FKTN: variants seen among roughly 807,000 people sequenced by gnomAD.
FKTN encodes fukutin.
A neutral mutation model predicts 58.6 loss-of-function variants in FKTN; 47 were observed. The observed-to-expected ratio is 0.80, with a 90% CI of 0.63 to 1.02. The LOEUF (loss-of-function observed/expected upper bound fraction) is 1.02. Among genes scored for constraint, FKTN ranks in the 50% least tolerant of loss-of-function variants. The pLI is 0.00. For missense variants in FKTN, 516 were observed against 537.3 expected (o/e 0.96, Z 0.39); for synonymous variants, 178 against 191.9 (o/e 0.93, Z 0.60).
In FKTN at chr9:105,637,399, A is replaced by C. The variant is rs773595290; in HGVS notation, c.*2135A>C. The C allele has an allele frequency of 6.4e-5, 63 of 985,308 alleles. 1 individual carries two copies. The highest frequency in any genetic ancestry group is 7.6e-5 in the Non-Finnish European group (63 of 829,946). The allele number at this position is 985,308 out of a possible 1,614,324, so 61.0% of individuals were successfully genotyped here. ...CCTACATAGACCACTGGCTGCTGAAATACTTTTCTTGTCTTCTGGTTTCAC... is the reference window on the plus strand; with the variant it reads ...CCTACATAGACCACTGGCTGCTGAACTACTTTTCTTGTCTTCTGGTTTCAC... On this transcript the variant is annotated 3_prime_UTR_variant, in exon 11 of 11. Coordinates refer to ENST00000357998, the MANE Select transcript of FKTN (RefSeq NM_001079802.2).
chr9:105,574,859 AT>A (rs1841385049), intron 2 of FKTN, 85 bp from the exon 3 acceptor site: 1 of 597,220 alleles, frequency 1.7e-6, no homozygotes, highest in Non-Finnish European at 3.0e-6. Context: ...TGGAAATTTA[AT>A]TTTTTCTTTG....
At chr9:105,613,917 G>A (rs780741493) in intron 7 of FKTN, among the ~76,000 whole-genome samples, 4 of 152,208 alleles carry the variant, frequency 2.6e-5, no homozygotes, top group Non-Finnish European at 4.4e-5. Flanking sequence ...TTTTGCAGAG[G>A]TTGGAGCTGA....
intron 1 of FKTN, among the ~76,000 whole-genome samples, chr9:105,564,611 C>T (rs1023899404): frequency 4.6e-5 from 7 of 151,940 alleles, no homozygotes; most frequent in East Asian, 1.9e-4. Context: ...AAGAATAAAC[C>T]GAAATGAACA....
At chr9:105,588,267 A>G (rs1587986742) in intron 3 of FKTN, among the ~76,000 whole-genome samples, 1 of 152,288 alleles carries the variant, frequency 6.6e-6, no homozygotes, top group Admixed American at 6.5e-5. Context: ...TTTTCCTACC[A>G]GTTGTTGTTG....
At chr9:105,629,919 C>T (rs1833196947) in intron 10 of FKTN, among the ~76,000 whole-genome samples, 1 of 152,158 alleles carries the variant, frequency 6.6e-6, no homozygotes, top group African/African-American at 2.4e-5. Flanking sequence ...TGGAAACCAT[C>T]ATTCTCAGCA....
chr9:105,613,187 A>T (rs1830233113), intron 7 of FKTN, among the ~76,000 whole-genome samples: 1 of 152,228 alleles, frequency 6.6e-6, no homozygotes. Flanking sequence ...ATGTTTCAAG[A>T]TGTCAGTTAC....
At chr9:105,588,520 A>G (rs1844302997) in intron 3 of FKTN, among the ~76,000 whole-genome samples, 1 of 152,234 alleles carries the variant, frequency 6.6e-6, no homozygotes, top group Non-Finnish European at 1.5e-5. Flanking sequence ...GAACTCACAA[A>G]TTGGGAAATT....
At chr9:105,633,025 C>T (rs1833679728) in intron 10 of FKTN, among the ~76,000 whole-genome samples, 1 of 152,182 alleles carries the variant, frequency 6.6e-6, no homozygotes, top group Non-Finnish European at 1.5e-5. Flanking sequence ...CCTTCACTTC[C>T]TCCCTACAAT....
At chr9:105,579,780 A>G (rs944514343) in intron 3 of FKTN, among the ~76,000 whole-genome samples, 1 of 149,194 alleles carries the variant, frequency 6.7e-6, no homozygotes, top group Non-Finnish European at 1.5e-5. Context: ...AAAGTCTCCC[A>G]TTATTAATGT....
intron 2 of FKTN, 58 bp from the exon 3 acceptor site, chr9:105,574,887 T>C (rs570332610): frequency 1.3e-4 from 83 of 660,634 alleles, no homozygotes; most frequent in Non-Finnish European, 2.0e-4. Context: ...TGTTGGTTAT[T>C]ACAGGTACAA....
At chr9:105,559,395 T>C (rs1837834899) in intron 1 of FKTN, among the ~76,000 whole-genome samples, 1 of 152,138 alleles carries the variant, frequency 6.6e-6, no homozygotes, top group African/African-American at 2.4e-5. Flanking sequence ...AATTGTTAAT[T>C]TTGGGGCTGG....
chr9:105,569,062 T>C (rs991915254), intron 1 of FKTN, among the ~76,000 whole-genome samples: 1 of 152,158 alleles, frequency 6.6e-6, no homozygotes, highest in Non-Finnish European at 1.5e-5. Context: ...CATCGCATGT[T>C]CTCACTCATA....
rs185199074 is a variant in FKTN, at chr9:105,611,502, C to T, written c.780+3551C>T. Among the ~76,000 whole-genome samples, 172 of 152,192 alleles carry T rather than the reference C, an allele frequency of 1.1e-3. 1 individual carries two copies. In the South Asian group the frequency reaches 0.014, roughly 13 times the overall value. ...AGTTATTTTTCCTGGTCCTCTTTCT[C>T]CTCCCACCCTCCAAAAGAACCCATT... On this transcript the variant is annotated intron_variant, in intron 7 of 10. Coordinates refer to ENST00000357998, the MANE Select transcript of FKTN (RefSeq NM_001079802.2).
intron 7 of FKTN, among the ~76,000 whole-genome samples, chr9:105,612,745 G>A (rs1297180276): frequency 1.3e-5 from 2 of 152,130 alleles, no homozygotes; most frequent in African/African-American, 4.8e-5. Flanking sequence ...CGGGTGGATT[G>A]CCTGAGCTCA....
chr9:105,589,235 T>C (rs1251231498), intron 3 of FKTN, among the ~76,000 whole-genome samples: 1 of 152,198 alleles, frequency 6.6e-6, no homozygotes, highest in African/African-American at 2.4e-5. Flanking sequence ...CAGTGGCTTA[T>C]GCTTGTAATC....
intron 3 of FKTN, among the ~76,000 whole-genome samples, chr9:105,583,723 C>CA (rs1225267732): frequency 6.6e-6 from 1 of 152,106 alleles, no homozygotes; most frequent in Non-Finnish European, 1.5e-5. Context: ...AGACAGATGT[C>CA]AAAATCTGTT....
chr9:105,569,499 T>C (rs868725114), intron 1 of FKTN, among the ~76,000 whole-genome samples: 3 of 152,160 alleles, frequency 2.0e-5, no homozygotes, highest in African/African-American at 7.2e-5. Flanking sequence ...CATAAAAGAA[T>C]GTGTTCTTGG....
chr9:105,560,216 C>T (rs1838035884), intron 1 of FKTN, among the ~76,000 whole-genome samples: 1 of 152,156 alleles, frequency 6.6e-6, no homozygotes, highest in Non-Finnish European at 1.5e-5. Flanking sequence ...AGACATTGTT[C>T]TTATCCTCCC....
At chr9:105,565,321 G>A (rs36132218) in intron 1 of FKTN, among the ~76,000 whole-genome samples, 1 of 152,082 alleles carries the variant, frequency 6.6e-6, no homozygotes, top group Non-Finnish European at 1.5e-5. Context: ...ATGTAAATGG[G>A]CTAAATGCCC....
Sources: gnomAD v4.1 joint callset for allele counts (sites outside exome capture counted in the v4.1 genomes callset) on GRCh38, gnomAD v4.1.1 for gene constraint, MANE v1.5 for transcripts, NCBI Gene and HGNC (gene_info 2026-07-23, HGNC 2026-07-21) for gene names.